The following ANKRD62 variants were observed in gnomAD, a reference collection of about 807,000 sequenced individuals.
ANKRD62 encodes ankyrin repeat domain 62, also known as ankyrin repeat domain-containing protein 62.
In ANKRD62, 61 loss-of-function variants were observed where a neutral mutation model predicts 98.8. The observed-to-expected ratio is 0.62, with a 90% CI of 0.50 to 0.76. The LOEUF is 0.76. ANKRD62 is among the 30% of genes least tolerant of loss of function. The probability of loss-of-function intolerance (pLI) is 0.00; values close to 1 mark genes in which losing one functional copy is unlikely to be tolerated. For synonymous variants in ANKRD62, 341 were observed against 367.9 expected (o/e 0.93, Z 0.84); for missense variants, 933 against 1,082.9 (o/e 0.86, Z 1.94).
the ANKRD62 span, among the ~76,000 whole-genome samples, chr18:12,156,981 G>C: frequency 6.6e-6 from 1 of 152,080 alleles, no homozygotes; most frequent in Admixed American, 6.5e-5. Flanking sequence ...TTTTTTAAGA[G>C]ACAGCATCTC....
rs1488970099 is a variant in ANKRD62, at chr18:12,102,718, AG to A, written c.821-438del. On this transcript the variant is annotated intron_variant, in intron 6 of 13. Coordinates refer to ENST00000587848, the MANE Select transcript of ANKRD62 (RefSeq NM_001277333.2). ...TAATGAACGGGGTGTATATGGATGA[AG>A]GTATAAGCAGTAACAGTCATATTGG... 8.2e-5 allele frequency: 84 copies of A among 1,019,698 alleles called. 1 individual carries two copies. The highest frequency in any genetic ancestry group is 1.7e-5 in the African/African-American group (1 of 57,872). The allele number at this position is 1,019,698 out of a possible 1,614,324, so 63.2% of individuals were successfully genotyped here.
At chr18:12,117,371 TAG>T (rs1199979643) in intron 10 of ANKRD62, among the ~76,000 whole-genome samples, 29 of 152,196 alleles carry the variant, frequency 1.9e-4, no homozygotes, top group African/African-American at 6.8e-4. Context: ...GCCCACAGGT[TAG>T]AGTTTACGTA....
At chr18:12,174,174 G>T in the ANKRD62 span, among the ~76,000 whole-genome samples, 1 of 152,118 alleles carries the variant, frequency 6.6e-6, no homozygotes, top group African/African-American at 2.4e-5. Flanking sequence ...ATATTTCTCA[G>T]AGGTTTTGTT....
chr18:12,111,189 C>T (rs1235059220), intron 8 of ANKRD62, among the ~76,000 whole-genome samples: 1 of 149,892 alleles, frequency 6.7e-6, no homozygotes, highest in Non-Finnish European at 1.5e-5. Context: ...GCAGAGGTTG[C>T]AGTGAGCCAA....
the ANKRD62 span, among the ~76,000 whole-genome samples, chr18:12,139,841 C>T: frequency 3.9e-5 from 6 of 152,012 alleles, no homozygotes; most frequent in East Asian, 5.8e-4. Context: ...TTGCTCTTCT[C>T]GAGGAGTATC....
intron 8 of ANKRD62, 69 bp from the exon 9 acceptor site, chr18:12,115,019 T>A: frequency 8.3e-7 from 1 of 1,197,866 alleles, no homozygotes; most frequent in South Asian, 2.7e-5. Flanking sequence ...TATAAAAAAG[T>A]TTTAGATATT....
At chr18:12,133,271 A>G (rs1910033339), downstream of ANKRD62, among the ~76,000 whole-genome samples, 1 of 152,152 alleles carries the variant, frequency 6.6e-6, no homozygotes, top group Non-Finnish European at 1.5e-5. Context: ...CTTATTTGCA[A>G]TTAATTTTCT....
the ANKRD62 span, among the ~76,000 whole-genome samples, chr18:12,156,323 A>G: frequency 6.6e-6 from 1 of 152,294 alleles, no homozygotes; most frequent in Non-Finnish European, 1.5e-5. Flanking sequence ...CACAATAGGT[A>G]TTTCAAAAAT....
At chr18:12,158,603 G>A in the ANKRD62 span, among the ~76,000 whole-genome samples, 8 of 151,696 alleles carry the variant, frequency 5.3e-5, no homozygotes, top group Non-Finnish European at 4.4e-5. Context: ...TCGGCTCACC[G>A]CAAGCTCTGC....
chr18:12,146,502 G>T, the ANKRD62 span, among the ~76,000 whole-genome samples: 1 of 151,914 alleles, frequency 6.6e-6, no homozygotes, highest in Admixed American at 6.6e-5. Context: ...CTGGAGTGCA[G>T]TGGCACAATC....
chr18:12,170,231 A>G, the ANKRD62 span, among the ~76,000 whole-genome samples: 4 of 152,104 alleles, frequency 2.6e-5, no homozygotes, highest in African/African-American at 9.7e-5. Context: ...TAGGGTGTCA[A>G]TTTTAGATCT....
chr18:12,111,235 C>T lies in ANKRD62; in HGVS notation c.1064+3768C>T, dbSNP rs553082431. Among the ~76,000 whole-genome samples the T allele has an allele frequency of 1.3e-4, 18 of 141,120 alleles. No individual in the cohort carries two copies. The East Asian group carries it at 1.8e-3, about 14-fold the overall frequency. The allele number at this position is 141,120 out of a possible 152,430, so 92.6% of individuals were successfully genotyped here. ...CTGCACTCCAGCCTTGGTGATAGAG[C>T]GAGACTGCCTCTCAAAAAAAAAAAA... On this transcript the variant is annotated intron_variant, in intron 8 of 13. Transcript: ENST00000587848.
chr18:12,102,186 AAGG>A (rs1465160626), intron 6 of ANKRD62: 1 of 889,044 alleles, frequency 1.1e-6, no homozygotes, highest in Non-Finnish European at 1.9e-6. Context: ...GGGTTGCAGC[AAGG>A]AGTAGAGTCC....
the ANKRD62 span, among the ~76,000 whole-genome samples, chr18:12,171,063 C>T: frequency 6.6e-6 from 1 of 151,656 alleles, no homozygotes. Context: ...CTGAATACAG[C>T]ACACTGATGG....
chr18:12,095,720 G>A, intron 3 of ANKRD62, 110 bp downstream of exon 3: 2 of 1,008,624 alleles, frequency 2.0e-6, no homozygotes, highest in South Asian at 2.1e-5. Context: ...TATATTACGT[G>A]CAAATATTTG....
At position 12,129,043 on chromosome 18, in the gene ANKRD62, G is replaced by C. The variant is rs2143937495; in HGVS notation, c.*1104G>C. 1 of 152,124 alleles carries C rather than the reference G, an allele frequency of 6.6e-6. No homozygotes were observed. Among genetic ancestry groups the C allele is most frequent in the South Asian group, 2.1e-4 (1 of 4,814 alleles). The allele number at this position is 152,124 out of a possible 1,614,324, so 9.4% of individuals were successfully genotyped here. On this transcript the variant is annotated 3_prime_UTR_variant, in exon 14 of 14. Coordinates refer to ENST00000587848, the MANE Select transcript of ANKRD62 (RefSeq NM_001277333.2). Reference sequence around the variant, plus strand: ...GATGGTGCCACTGCACTCCAGCCTGGGTGGCTGAGCAAGACTCCGTCTTAA... The same window carrying C: ...GATGGTGCCACTGCACTCCAGCCTGCGTGGCTGAGCAAGACTCCGTCTTAA...
At chr18:12,098,477 T>C (rs1909230240) in intron 5 of ANKRD62, 1 of 152,210 alleles carries the variant, frequency 6.6e-6, no homozygotes, top group South Asian at 2.1e-4. Flanking sequence ...CAGAGAAAAT[T>C]AGCATGGCCC....
At position 12,126,190 on chromosome 18, in the gene ANKRD62, G is replaced by C; in HGVS notation, c.2369G>C (p.Cys790Ser). The C allele has an allele frequency of 6.5e-7, 1 of 1,536,100 alleles. No individual in the cohort carries two copies. Among genetic ancestry groups the C allele is most frequent in the African/African-American group, 1.4e-5 (1 of 73,164 alleles). The part of the protein sequence containing the change: ...QSQNLLYQQQ[C>S]NDARKKADNQ... ...CAAAATCTGTTGTATCAACAGCAGT[G>C]TAATGATGCTCGCAAGAAAGCTGAC... Residue 790 changes from cysteine (C) to serine (S), a missense_variant, in exon 13 of 14, where the codon TGT becomes TCT. Physicochemically the swap from Cys to Ser is moderately radical, Grantham distance 112. Transcript: ENST00000587848.
At chr18:12,175,284 T>G in the ANKRD62 span, among the ~76,000 whole-genome samples, 102,727 of 151,294 alleles carry the variant, frequency 0.68, 35,514 homozygotes, top group East Asian at 0.93. Flanking sequence ...GGCAGTGTTG[T>G]CACAAGGGCA....
Sources: gnomAD v4.1 joint callset for allele counts (sites outside exome capture counted in the v4.1 genomes callset) on GRCh38, gnomAD v4.1.1 for gene constraint, MANE v1.5 for transcripts, NCBI Gene and HGNC (gene_info 2026-07-23, HGNC 2026-07-21) for gene names.